Variants in MGAT5 observed in about 807,000 individuals in gnomAD.
MGAT5 encodes alpha-1,6-mannosylglycoprotein 6-beta-N-acetylglucosaminyltransferase A.
A neutral mutation model predicts 94.3 loss-of-function variants in MGAT5; 30 were observed. That is an observed-to-expected ratio of 0.32 (90% CI 0.24 to 0.43). The LOEUF is 0.43. Among genes scored for constraint, MGAT5 ranks in the 20% least tolerant of loss-of-function variants. MGAT5 has a pLI of 1.00. For synonymous variants in MGAT5, 310 were observed against 322.9 expected (o/e 0.96, Z 0.43); for missense variants, 691 against 905.5 (o/e 0.76, Z 3.04).
chr2:134,368,574 C>T (rs1016204753), intron 10 of MGAT5, among the ~76,000 whole-genome samples: 1 of 152,184 alleles, frequency 6.6e-6, no homozygotes, highest in Non-Finnish European at 1.5e-5. Context: ...GAAATGTGAT[C>T]CCACTTCCCC....
intron 1 of MGAT5, among the ~76,000 whole-genome samples, chr2:134,179,213 G>A (rs1170054744): frequency 6.6e-6 from 1 of 151,510 alleles, no homozygotes; most frequent in Non-Finnish European, 1.5e-5. Flanking sequence ...TGCTTAAAAT[G>A]GCCCCCAAGC....
At chr2:134,315,527 C>G (rs1686948834) in intron 2 of MGAT5, among the ~76,000 whole-genome samples, 1 of 152,244 alleles carries the variant, frequency 6.6e-6, no homozygotes, top group Non-Finnish European at 1.5e-5. Flanking sequence ...AAGTCTGCAT[C>G]TATTTCAAAA....
At chr2:134,242,674 G>A (rs974543676) in intron 1 of MGAT5, among the ~76,000 whole-genome samples, 2 of 152,178 alleles carry the variant, frequency 1.3e-5, no homozygotes, top group African/African-American at 4.8e-5. Flanking sequence ...TTAACAACCT[G>A]CCAGATCATT....
intron 1 of MGAT5, among the ~76,000 whole-genome samples, chr2:134,194,963 C>G (rs944412143): frequency 2.0e-5 from 3 of 152,214 alleles, no homozygotes; most frequent in African/African-American, 7.2e-5. Context: ...AGTCTTTTCT[C>G]TGTAGTCTGA....
At chr2:134,201,805 G>C (rs1315053595) in intron 1 of MGAT5, among the ~76,000 whole-genome samples, 1 of 144,902 alleles carries the variant, frequency 6.9e-6, no homozygotes, top group Non-Finnish European at 1.5e-5. Flanking sequence ...AGCTCTCTGG[G>C]CCAAGCGCTG....
chr2:134,242,045 A>G (rs1338795497), intron 1 of MGAT5, among the ~76,000 whole-genome samples: 1 of 152,224 alleles, frequency 6.6e-6, no homozygotes, highest in Non-Finnish European at 1.5e-5. Context: ...TGCTTATCTC[A>G]GTTGAAGGCT....
intron 1 of MGAT5, among the ~76,000 whole-genome samples, chr2:134,228,570 C>A (rs1328214399): frequency 6.6e-6 from 1 of 152,066 alleles, no homozygotes; most frequent in Non-Finnish European, 1.5e-5. Context: ...GAATATTTTT[C>A]CTTTGCAGCT....
chr2:134,197,666 T>G (rs953571360), intron 1 of MGAT5, among the ~76,000 whole-genome samples: 1 of 152,198 alleles, frequency 6.6e-6, no homozygotes, highest in African/African-American at 2.4e-5. Flanking sequence ...AAGGAACATG[T>G]TCAGCTGCTG....
intron 8 of MGAT5, among the ~76,000 whole-genome samples, chr2:134,345,548 A>G (rs6430507): frequency 0.016 from 2,423 of 152,238 alleles, 57 homozygotes; most frequent in African/African-American, 0.055. Context: ...TCTGTGGTAC[A>G]TGTGTACTCT....
At chr2:134,178,428 G>C (rs958822860) in intron 1 of MGAT5, among the ~76,000 whole-genome samples, 2 of 152,162 alleles carry the variant, frequency 1.3e-5, no homozygotes, top group Non-Finnish European at 2.9e-5. Flanking sequence ...GTCCTTTGGA[G>C]AGAGCTGTCT....
chr2:134,144,162 C>G (rs1382226702), intron 1 of MGAT5, among the ~76,000 whole-genome samples: 1 of 152,142 alleles, frequency 6.6e-6, no homozygotes, highest in Non-Finnish European at 1.5e-5. Context: ...TGTTCTTGCA[C>G]TGCTCTAAAG....
At chr2:134,279,807 T>G (rs1684586535) in intron 2 of MGAT5, among the ~76,000 whole-genome samples, 1 of 152,228 alleles carries the variant, frequency 6.6e-6, no homozygotes, top group South Asian at 2.1e-4. Context: ...TGGTATTGAT[T>G]CAATAGACAT....
intron 1 of MGAT5, among the ~76,000 whole-genome samples, chr2:134,235,535 C>T (rs537338495): frequency 3.3e-5 from 5 of 151,984 alleles, no homozygotes; most frequent in Non-Finnish European, 7.4e-5. Context: ...ATAACCTAAC[C>T]CAATCGACAG....
At chr2:134,330,136 G>A (rs1473989313) in intron 4 of MGAT5, among the ~76,000 whole-genome samples, 26 of 152,068 alleles carry the variant, frequency 1.7e-4, no homozygotes, top group Admixed American at 1.7e-3. Flanking sequence ...GTATTGATTT[G>A]ATATATGACC....
chr2:134,141,607 A>G (rs1183682101), intron 1 of MGAT5, among the ~76,000 whole-genome samples: 1 of 152,158 alleles, frequency 6.6e-6, no homozygotes, highest in African/African-American at 2.4e-5. Context: ...GACTCACACT[A>G]ATGTCAGTGA....
chr2:134,191,176 T>G (rs1229349259), intron 1 of MGAT5, among the ~76,000 whole-genome samples: 1 of 152,242 alleles, frequency 6.6e-6, no homozygotes, highest in African/African-American at 2.4e-5. Context: ...TTATTAGTAA[T>G]AGTTGGTCGT....
intron 1 of MGAT5, among the ~76,000 whole-genome samples, chr2:134,162,399 G>A (rs1012789282): frequency 6.6e-6 from 1 of 152,138 alleles, no homozygotes; most frequent in African/African-American, 2.4e-5. Flanking sequence ...GAGTCCAAAG[G>A]TGTGTCTTTC....
intron 10 of MGAT5, among the ~76,000 whole-genome samples, chr2:134,388,532 G>T (rs376712019): frequency 6.6e-6 from 1 of 151,834 alleles, no homozygotes; most frequent in Non-Finnish European, 1.5e-5. Flanking sequence ...AGATTGTCTC[G>T]ATTTTTTCAT....
chr2:134,301,252 A>G (rs889054663), intron 2 of MGAT5, among the ~76,000 whole-genome samples: 1 of 152,176 alleles, frequency 6.6e-6, no homozygotes, highest in African/African-American at 2.4e-5. Context: ...TGAACATACC[A>G]TAATTGGTTT....
Sources: gnomAD v4.1 joint callset for allele counts (sites outside exome capture counted in the v4.1 genomes callset) on GRCh38, gnomAD v4.1.1 for gene constraint, MANE v1.5 for transcripts, NCBI Gene and HGNC (gene_info 2026-07-23, HGNC 2026-07-21) for gene names.